CDCA2: variants seen among roughly 807,000 people sequenced by gnomAD.
CDCA2 encodes cell division cycle associated 2.
A neutral mutation model predicts 67.0 loss-of-function variants in CDCA2; 44 were observed. The observed-to-expected ratio is 0.66, with a 90% confidence interval of 0.52 to 0.84. The LOEUF is 0.84. CDCA2 is among the 40% of genes least tolerant of loss of function. The probability of loss-of-function intolerance (pLI) is 0.00; values close to 1 mark genes in which losing one functional copy is unlikely to be tolerated. For missense variants in CDCA2, 1,253 were observed against 1,203.2 expected, an observed-to-expected ratio of 1.04 and a Z score of -0.61; for synonymous variants, 447 against 418.7, an observed-to-expected ratio of 1.07 and a Z score of -0.82.
rs1804720884 is a variant in CDCA2 at position 25,507,297 on chromosome 8, T to C, written c.2631T>C (p.Ile877=). Reference sequence around the variant, plus strand: ...TGTTTAAAGATTTGTCTGATGCCATTGAGCAAACCTTTCAGAGGAGAAATA... The same window carrying C: ...TGTTTAAAGATTTGTCTGATGCCATCGAGCAAACCTTTCAGAGGAGAAATA... ...SELFKDLSDA[I]EQTFQRRNSE... The change falls in exon 15 of 15, where the codon ATT becomes ATC. Residue 877 remains isoleucine, a synonymous_variant. Transcript: ENST00000330560. The C allele has an allele frequency of 1.2e-6, 2 of 1,614,052 alleles. No homozygotes were observed. The highest frequency in any genetic ancestry group is 8.5e-7 in the Non-Finnish European group (1 of 1,180,042).
intron 13 of CDCA2, among the ~76,000 whole-genome samples, chr8:25,489,170 C>T (rs1259617649): frequency 1.3e-5 from 2 of 152,104 alleles, no homozygotes; most frequent in Non-Finnish European, 2.9e-5. Context: ...TGTGGTTAGC[C>T]AATTTAACAC....
intron 8 of CDCA2, among the ~76,000 whole-genome samples, chr8:25,482,041 G>A (rs2117512882): frequency 6.6e-6 from 1 of 152,312 alleles, no homozygotes; most frequent in East Asian, 1.9e-4. Flanking sequence ...CGGATGAGTA[G>A]GTGGTGATTA....
rs144887977 is a variant in CDCA2, at chr8:25,483,439, C to A, written c.1073C>A (p.Pro358Gln). 1.9e-6 allele frequency: 3 copies of A among 1,611,204 alleles called. No individual in the cohort carries two copies. Among genetic ancestry groups the A allele is most frequent in the Non-Finnish European group, 2.5e-6 (3 of 1,178,732 alleles). ...CTCTATGATGATGATGGGACTCATC[C>A]GAGCTTAATCTCAAATCTCCCAAAC... ...NNLYDDDGTH[P>Q]SLISNLPNCC... The change falls in exon 9 of 15, where the codon CCG becomes CAG. Residue 358 changes from proline (P) to glutamine (Q), a missense_variant. Transcript: ENST00000330560.
At chr8:25,460,103 T>TA (rs1414591051) in intron 1 of CDCA2, 137 bp from the exon 2 acceptor site, 22 of 786,106 alleles carry the variant, frequency 2.8e-5, no homozygotes, top group Non-Finnish European at 4.0e-5. Context: ...GAAATTAAAA[T>TA]AAAAAATGAA....
Position 25,506,696 on chromosome 8 carries a change from A to T in CDCA2, c.2030A>T (p.Asp677Val), listed in dbSNP as rs1004064429. 6.2e-7 allele frequency: 1 copy of T among 1,611,400 alleles called. No homozygotes were observed. Among genetic ancestry groups the T allele is most frequent in the Non-Finnish European group, 8.5e-7 (1 of 1,179,282 alleles). Residue 677 changes from aspartate to valine, a missense_variant, in exon 15 of 15, where the codon GAT becomes GTT. Asp to Val is a radical substitution (Grantham distance 152, BLOSUM62 -3). Transcript: ENST00000330560. The stretch of plus-strand genomic sequence containing the variant: ...CTTGGCAATGCTACTTCTGATGAAG[A>T]TCCAAATACAAATATAATGAACATT... ...SSLGNATSDE[D>V]PNTNIMNINE... is the part of the protein sequence containing the mutation.
At chr8:25,478,884 G>GTACATA (rs1395153332) in intron 7 of CDCA2, among the ~76,000 whole-genome samples, 2 of 117,570 alleles carry the variant, frequency 1.7e-5, no homozygotes, top group African/African-American at 7.6e-5. Flanking sequence ...CTTGTTGTGT[G>GTACATA]TGTGTATATA....
At chr8:25,464,917 T>A (rs1802839150) in intron 4 of CDCA2, among the ~76,000 whole-genome samples, 1 of 152,208 alleles carries the variant, frequency 6.6e-6, no homozygotes, top group Non-Finnish European at 1.5e-5. Flanking sequence ...ATCAAATGTG[T>A]GAACAGATCA....
intron 13 of CDCA2, among the ~76,000 whole-genome samples, chr8:25,501,778 T>C (rs1467287837): frequency 6.6e-6 from 1 of 152,206 alleles, no homozygotes; most frequent in African/African-American, 2.4e-5. Flanking sequence ...AGCAGCTCCT[T>C]GAAGAATACA....
At chr8:25,466,367 T>C (rs775382796) in intron 5 of CDCA2, 42 bp downstream of exon 5, 1 of 1,509,126 alleles carries the variant, frequency 6.6e-7, no homozygotes, top group Non-Finnish European at 8.9e-7. Flanking sequence ...TCAATATTTA[T>C]AAAGACAAGC....
chr8:25,462,820 G>C (rs1413590275), intron 4 of CDCA2, among the ~76,000 whole-genome samples: 5 of 152,128 alleles, frequency 3.3e-5, no homozygotes, highest in Non-Finnish European at 7.3e-5. Flanking sequence ...GGAACTATAG[G>C]CATGTGCCAC....
At chr8:25,473,602 T>G (rs1238271270) in intron 7 of CDCA2, among the ~76,000 whole-genome samples, 4 of 152,180 alleles carry the variant, frequency 2.6e-5, no homozygotes, top group Non-Finnish European at 5.9e-5. Flanking sequence ...AGAAAGGCAT[T>G]TCATTAGTAG....
rs1476443671 is a variant in CDCA2, at chr8:25,507,500, G to C, written c.2834G>C (p.Arg945Thr). ...CCCATAAAAGAAACTGTGTCCTCCA[G>C]ACAAAAACCGCAGATGGCACCTCCC... ...MSPIKETVSS[R>T]QKPQMAPPVS... Residue 945 changes from arginine (R) to threonine (T), a missense_variant, in exon 15 of 15, where the codon AGA becomes ACA. Transcript: ENST00000330560. 2.5e-6 allele frequency: 4 copies of C among 1,613,756 alleles called. No individual in the cohort carries two copies. Among genetic ancestry groups the C allele is most frequent in the Non-Finnish European group, 3.4e-6 (4 of 1,179,918 alleles).
intron 13 of CDCA2, among the ~76,000 whole-genome samples, chr8:25,502,980 T>C (rs1340048400): frequency 6.6e-6 from 1 of 151,894 alleles, no homozygotes; most frequent in African/African-American, 2.4e-5. Flanking sequence ...ATTAGAGATA[T>C]TATAGAAGTT....
chr8:25,462,822 A>G (rs150437608), intron 4 of CDCA2, among the ~76,000 whole-genome samples: 1 of 152,268 alleles, frequency 6.6e-6, no homozygotes, highest in East Asian at 1.9e-4. Context: ...AACTATAGGC[A>G]TGTGCCACAG....
At chr8:25,492,892 G>A (rs1035116656) in intron 13 of CDCA2, among the ~76,000 whole-genome samples, 1 of 152,208 alleles carries the variant, frequency 6.6e-6, no homozygotes, top group African/African-American at 2.4e-5. Context: ...TGGTAAGAGT[G>A]CAGACTCTGG....
chr8:25,459,046 A>G (rs1305323275), upstream of CDCA2: 3 of 152,074 alleles, frequency 2.0e-5, no homozygotes, highest in Non-Finnish European at 4.4e-5. Context: ...CCTCGGGTTG[A>G]CTGCAGCTCG....
At chr8:25,466,540 C>T (rs1802909290) in intron 5 of CDCA2, among the ~76,000 whole-genome samples, 1 of 152,154 alleles carries the variant, frequency 6.6e-6, no homozygotes, top group Non-Finnish European at 1.5e-5. Context: ...CCTAATCCTA[C>T]ATTTCCGCAT....
intron 13 of CDCA2, among the ~76,000 whole-genome samples, chr8:25,495,476 G>A (rs558428199): frequency 4.6e-5 from 7 of 151,942 alleles, no homozygotes; most frequent in Non-Finnish European, 7.4e-5. Flanking sequence ...GTGCAGTGGC[G>A]TGAGCTCGGC....
chr8:25,507,629 C>T lies in CDCA2; in HGVS notation c.2963C>T (p.Ala988Val), dbSNP rs762876639. ...FCISTLANTK[A>V]TSQFKGYRRR... is the part of the protein sequence containing the mutation. ...ATATCTACACTTGCAAATACTAAAG[C>T]CACTTCCCAGTTCAAAGGCTACCGG... The change falls in exon 15 of 15, where the codon GCC (alanine) becomes GTC (valine). Residue 988 changes from alanine (A) to valine (V), a missense_variant. By Grantham distance (64) the Ala-to-Val change is moderately conservative. Transcript: ENST00000330560. The T allele has an allele frequency of 6.2e-7, 1 of 1,614,054 alleles. No homozygotes were observed. Among genetic ancestry groups the T allele is most frequent in the Non-Finnish European group, 8.5e-7 (1 of 1,180,040 alleles).
Sources: gnomAD v4.1 joint callset for allele counts (sites outside exome capture counted in the v4.1 genomes callset) on GRCh38, gnomAD v4.1.1 for gene constraint, MANE v1.5 for transcripts, NCBI Gene and HGNC (gene_info 2026-07-23, HGNC 2026-07-21) for gene names.